ZC3H6: variants seen among roughly 807,000 people sequenced by gnomAD.
The protein encoded by ZC3H6 is zinc finger CCCH domain-containing protein 6.
Under a neutral mutation model 107.7 loss-of-function variants are expected in ZC3H6, and 40 were observed. The observed-to-expected ratio is 0.37, with a 90% CI of 0.29 to 0.48. ZC3H6 has a LOEUF of 0.48. Ranked by LOEUF, ZC3H6 falls within the 20% of genes least tolerant of loss-of-function variation. The pLI, the probability that ZC3H6 is intolerant of heterozygous loss-of-function variation, is 0.98. For synonymous variants in ZC3H6, 493 were observed against 487.9 expected, an observed-to-expected ratio of 1.01 and a Z score of -0.14; for missense variants, 1,267 against 1,410.4, an observed-to-expected ratio of 0.90 and a Z score of 1.63.
intron 3 of ZC3H6, among the ~76,000 whole-genome samples, chr2:112,304,960 C>T (rs1286444581): frequency 3.3e-5 from 5 of 152,056 alleles, no homozygotes; most frequent in Non-Finnish European, 7.4e-5. Context: ...AATATCTTCT[C>T]TTAAAATTTG....
chr2:112,301,231 CCA>C lies in ZC3H6; in HGVS notation c.213+1205_213+1206del, dbSNP rs1676366599. Among the ~76,000 whole-genome samples the C allele has an allele frequency of 5.9e-5, 9 of 152,264 alleles. 1 individual carries two copies. The South Asian group carries it at 1.9e-3, about 32-fold the overall frequency. On this transcript the variant is annotated intron_variant, in intron 2 of 11. Coordinates refer to ENST00000409871, the MANE Select transcript of ZC3H6 (RefSeq NM_198581.3). ...CAGTTCATGCATGAATGTAAGGTGA[CCA>C]CAGAAATTGGATGGTGCTGAAAAGA...
intron 2 of ZC3H6, among the ~76,000 whole-genome samples, chr2:112,300,471 C>G (rs1184027100): frequency 6.6e-6 from 1 of 152,154 alleles, no homozygotes; most frequent in Admixed American, 6.5e-5. Flanking sequence ...TCCCAAATTG[C>G]TAGGTTTACA....
At position 112,332,352 on chromosome 2, in the gene ZC3H6, A is replaced by G. The variant is rs1422120624; in HGVS notation, c.3434A>G (p.Tyr1145Cys). ...QALTGLIRPQ[Y>C]SDPRQARQPG... ...TTAACAGGCTTAATTAGGCCACAGT[A>G]CAGTGATCCAAGGCAGGCAAGGCAG... Residue 1145 changes from tyrosine to cysteine, a missense_variant, in exon 12 of 12, where the codon TAC (tyrosine) becomes TGC (cysteine). Physicochemically the swap from Tyr to Cys is radical, Grantham distance 194 (BLOSUM62 -2). Around this residue, in one of 3 missense-constraint regions of ZC3H6, gnomAD observed 925 missense variants for 1,025.7 expected, o/e 0.90. Transcript: ENST00000409871. The G allele has an allele frequency of 4.3e-6, 7 of 1,613,810 alleles. No individual in the cohort carries two copies. The highest frequency in any genetic ancestry group is 5.9e-6 in the Non-Finnish European group (7 of 1,179,878).
At chr2:112,326,121 G>A (rs1431449989) in intron 11 of ZC3H6, among the ~76,000 whole-genome samples, 1 of 151,970 alleles carries the variant, frequency 6.6e-6, no homozygotes, top group African/African-American at 2.4e-5. Flanking sequence ...GAGTACATGA[G>A]GTATTTTGAT....
chr2:112,324,665 TAA>T lies in ZC3H6; in HGVS notation c.1852+3_1852+4del. The T allele has an allele frequency of 6.5e-7, 1 of 1,538,418 alleles. No homozygotes were observed. Among genetic ancestry groups the T allele is most frequent in the South Asian group, 1.2e-5 (1 of 85,100 alleles). On this transcript the variant is annotated splice_donor_region_variant and intron_variant, in intron 10 of 11. Transcript: ENST00000409871. ...TTCAGCCACCCAATAACTCTGGTGG[TAA>T]GTTTACTTTTTTGAAATAATTTATT... is the stretch of plus-strand genomic sequence containing the variant.
chr2:112,331,601 G>A lies in ZC3H6; in HGVS notation c.2683G>A (p.Val895Met). 1 of 1,613,968 alleles carries A rather than the reference G, an allele frequency of 6.2e-7. No individual in the cohort carries two copies. Among genetic ancestry groups the A allele is most frequent in the South Asian group, 1.1e-5 (1 of 91,080 alleles). Residue 895 changes from valine (V) to methionine (M), a missense_variant, in exon 12 of 12, where the codon GTG becomes ATG. Around this residue, in one of 3 missense-constraint regions of ZC3H6, gnomAD observed 925 missense variants for 1,025.7 expected, o/e 0.90. Transcript: ENST00000409871. The stretch of plus-strand genomic sequence containing the variant: ...AGTACCTTTACCTAAACCTGATCCA[G>A]TGTCTTCAATCAATTTACCTCTGCC... Reference protein sequence around the residue: ...LPVPLPKPDPVSSINLPLPPL... With the variant: ...LPVPLPKPDPMSSINLPLPPL...
At chr2:112,297,231 C>T (rs976799429) in intron 1 of ZC3H6, among the ~76,000 whole-genome samples, 14 of 152,206 alleles carry the variant, frequency 9.2e-5, no homozygotes, top group African/African-American at 2.9e-4. Context: ...ATTAAGACCA[C>T]GTCCACTATC....
intron 10 of ZC3H6, 71 bp downstream of exon 10, chr2:112,324,734 C>G: frequency 2.9e-6 from 4 of 1,387,148 alleles, no homozygotes; most frequent in Non-Finnish European, 3.9e-6. Context: ...AAAAGCATGA[C>G]AGAAACGTAA....
In ZC3H6 at chr2:112,303,159, C is replaced by G; in HGVS notation, c.214-70C>G. On this transcript the variant is annotated intron_variant, in intron 2 of 11. Transcript: ENST00000409871. ...GGTTGGTACCTCTGGCTGAAACAAG[C>G]TTATCTAATTACTAGTTAAATTTTC... 6 of 1,543,302 alleles carry G rather than the reference C, an allele frequency of 3.9e-6. No individual in the cohort carries two copies. The South Asian group carries it at 7.7e-5, about 20-fold the overall frequency.
In ZC3H6 at chr2:112,324,350, A is replaced by G; in HGVS notation, c.1539A>G (p.Pro513=). ...CAGGACCTCCTGGTCTACCAGTGCCACAGAGCCCACCTTTACCACCTGGTC... is the reference window on the plus strand; with the variant it reads ...CAGGACCTCCTGGTCTACCAGTGCCGCAGAGCCCACCTTTACCACCTGGTC... ...PCAGPPGLPV[P]QSPPLPPGPP... Residue 513 remains proline, a synonymous_variant, in exon 10 of 12, where the codon CCA becomes CCG. Coordinates refer to ENST00000409871, the MANE Select transcript of ZC3H6 (RefSeq NM_198581.3). 6.2e-7 allele frequency: 1 copy of G among 1,613,964 alleles called. No homozygotes were observed. Among genetic ancestry groups the G allele is most frequent in the Admixed American group, 1.7e-5 (1 of 60,016 alleles).
At chr2:112,298,991 T>A (rs1676303698) in intron 1 of ZC3H6, among the ~76,000 whole-genome samples, 3 of 152,098 alleles carry the variant, frequency 2.0e-5, no homozygotes, top group Admixed American at 2.0e-4. Context: ...AAGAATAATT[T>A]GGCCGGGTGT....
At chr2:112,282,877 G>A (rs1434968770) in intron 1 of ZC3H6, among the ~76,000 whole-genome samples, 1 of 152,170 alleles carries the variant, frequency 6.6e-6, no homozygotes, top group Non-Finnish European at 1.5e-5. Flanking sequence ...TTGTCAAGCA[G>A]TTACTTACAT....
chr2:112,295,765 A>T (rs1676220158), intron 1 of ZC3H6, among the ~76,000 whole-genome samples: 1 of 152,240 alleles, frequency 6.6e-6, no homozygotes, highest in African/African-American at 2.4e-5. Flanking sequence ...AACTAAAAAA[A>T]ATTTTAAAAG....
chr2:112,312,378 G>C (rs1455312377), intron 5 of ZC3H6, among the ~76,000 whole-genome samples: 1 of 152,128 alleles, frequency 6.6e-6, no homozygotes, highest in East Asian at 1.9e-4. Context: ...GATATAAATG[G>C]TTGGAAAGGT....
At chr2:112,315,313 T>A (rs1477452302) in intron 5 of ZC3H6, among the ~76,000 whole-genome samples, 3 of 152,196 alleles carry the variant, frequency 2.0e-5, no homozygotes, top group African/African-American at 7.2e-5. Flanking sequence ...CAAGTAGGGC[T>A]ATAAGATTTC....
Position 112,286,366 on chromosome 2 carries a change from C to T in ZC3H6, c.32+10340C>T, listed in dbSNP as rs374612637. 2.2e-3 allele frequency: 437 copies of T among 203,030 alleles called. 12 individuals are homozygous for T. The South Asian group carries it at 0.022, about 10-fold the overall frequency. 12.6% of individuals were successfully genotyped at this position (203,030 alleles called of 1,614,324 possible). ...TGGGTTTCCAAAAATATGTCCTGTT[C>T]GGCTGGGTTGAGGGCATAGTGGCCA... is the stretch of plus-strand genomic sequence containing the variant. On this transcript the variant is annotated intron_variant, in intron 1 of 11. Transcript: ENST00000409871.
chr2:112,280,889 G>A (rs1686514223), intron 1 of ZC3H6, among the ~76,000 whole-genome samples: 1 of 152,182 alleles, frequency 6.6e-6, no homozygotes, highest in South Asian at 2.1e-4. Context: ...CTTTTAAGCA[G>A]GAGAATGATC....
intron 1 of ZC3H6, among the ~76,000 whole-genome samples, chr2:112,294,989 A>G (rs1280118095): frequency 3.3e-5 from 5 of 152,016 alleles, no homozygotes; most frequent in Non-Finnish European, 7.4e-5. Context: ...GGTTTTTAGT[A>G]TATTCAGAGT....
chr2:112,287,190 T>TAG (rs1686624543), intron 1 of ZC3H6, among the ~76,000 whole-genome samples: 1 of 152,172 alleles, frequency 6.6e-6, no homozygotes, highest in Non-Finnish European at 1.5e-5. Flanking sequence ...GGAATTTTGT[T>TAG]TTCTGAGATT....
Sources: gnomAD v4.1 joint callset for allele counts (sites outside exome capture counted in the v4.1 genomes callset) on GRCh38, gnomAD v4.1.1 for gene constraint, gnomAD v4.1.1 regional missense constraint, MANE v1.5 for transcripts, NCBI Gene and HGNC (gene_info 2026-07-23, HGNC 2026-07-21) for gene names.